The following PPARD variants were observed in gnomAD, a reference collection of about 807,000 sequenced individuals.
PPARD encodes peroxisome proliferator-activated receptor delta.
A neutral mutation model predicts 39.5 loss-of-function variants in PPARD; 6 were observed. The observed-to-expected ratio is 0.15, with a 90% confidence interval of 0.08 to 0.30. The LOEUF (loss-of-function observed/expected upper bound fraction) is 0.30. PPARD is among the 10% of genes least tolerant of loss of function. The probability of loss-of-function intolerance (pLI) is 1.00; values close to 1 mark genes in which losing one functional copy is unlikely to be tolerated. For missense variants in PPARD, 397 were observed against 596.8 expected (o/e 0.67, Z 3.49); for synonymous variants, 210 against 231.3 (o/e 0.91, Z 0.83).
intron 1 of PPARD, among the ~76,000 whole-genome samples, chr6:35,345,149 C>G (rs938803698): frequency 3.3e-5 from 5 of 152,192 alleles, no homozygotes; most frequent in Non-Finnish European, 7.3e-5. Context: ...TGTGGAGCAG[C>G]TTGGGCACCA....
intron 2 of PPARD, chr6:35,397,610 C>T (rs1238916557): frequency 8.4e-6 from 8 of 948,568 alleles, no homozygotes; most frequent in African/African-American, 1.8e-5. Flanking sequence ...GGTGAACAGA[C>T]GTCTTTTTGC....
chr6:35,397,746 A>G lies in PPARD; in HGVS notation c.-101-13241A>G, dbSNP rs114269512. Among the ~76,000 whole-genome samples, 1,134 of 152,324 alleles carry G rather than the reference A, an allele frequency of 7.4e-3. 12 individuals are homozygous for G. Among genetic ancestry groups the G allele is most frequent in the African/African-American group, 0.026 (1,084 of 41,568 alleles). ...GCACTAAACAAATAAGGAAATATAT[A>G]TACACTCTGCCAGATAGCCATAAGA... is the stretch of plus-strand genomic sequence containing the variant. On this transcript the variant is annotated intron_variant, in intron 2 of 7. Transcript: ENST00000360694.
intron 2 of PPARD, among the ~76,000 whole-genome samples, chr6:35,347,418 G>A (rs1445503574): frequency 6.6e-6 from 1 of 152,120 alleles, no homozygotes; most frequent in Admixed American, 6.5e-5. Flanking sequence ...AGGGCAGGGA[G>A]TTGTTTTGCT....
chr6:35,404,971 G>A (rs1055290029), intron 2 of PPARD, among the ~76,000 whole-genome samples: 1 of 151,288 alleles, frequency 6.6e-6, no homozygotes, highest in Non-Finnish European at 1.5e-5. Flanking sequence ...GTGTGTGTGT[G>A]TGTGTGTGTG....
chr6:35,356,639 T>C (rs541624037), intron 2 of PPARD, among the ~76,000 whole-genome samples: 9 of 152,322 alleles, frequency 5.9e-5, no homozygotes, highest in African/African-American at 1.9e-4. Flanking sequence ...TGTAGGATGT[T>C]GAGCAGCATC....
intron 2 of PPARD, among the ~76,000 whole-genome samples, chr6:35,408,943 C>G (rs1581647203): frequency 6.6e-6 from 1 of 151,798 alleles, no homozygotes; most frequent in Admixed American, 6.6e-5. Context: ...GCCACTGCCC[C>G]CTTTCTGCTT....
chr6:35,394,826 A>G (rs1168016634), intron 2 of PPARD, among the ~76,000 whole-genome samples: 2 of 151,642 alleles, frequency 1.3e-5, no homozygotes, highest in Non-Finnish European at 2.9e-5. Flanking sequence ...AAAAGTAGAA[A>G]TGACCCCTAA....
intron 2 of PPARD, among the ~76,000 whole-genome samples, chr6:35,373,823 ACACCT>A (rs1228016390): frequency 1.3e-5 from 2 of 151,966 alleles, no homozygotes; most frequent in Non-Finnish European, 2.9e-5. Context: ...ATGTGCCACC[ACACCT>A]GGCTAATTTT....
intron 2 of PPARD, among the ~76,000 whole-genome samples, chr6:35,382,727 G>A (rs1314550682): frequency 1.3e-5 from 2 of 152,142 alleles, no homozygotes; most frequent in Non-Finnish European, 2.9e-5. Flanking sequence ...TTAAAAGATC[G>A]TTTGTTCTGG....
chr6:35,409,157 C>A (rs1052965612), intron 2 of PPARD, among the ~76,000 whole-genome samples: 4 of 152,000 alleles, frequency 2.6e-5, no homozygotes, highest in African/African-American at 9.7e-5. Flanking sequence ...ATGTTGATCA[C>A]TCCCTCTCAT....
chr6:35,389,902 G>A (rs1387634438), intron 2 of PPARD, among the ~76,000 whole-genome samples: 1 of 152,328 alleles, frequency 6.6e-6, no homozygotes, highest in Non-Finnish European at 1.5e-5. Flanking sequence ...AAGGGCCCTG[G>A]TGACTTTCTT....
In PPARD at chr6:35,425,792, TG is replaced by T; in HGVS notation, c.1079-39del. On this transcript the variant is annotated intron_variant, in intron 7 of 7. Coordinates refer to ENST00000360694, the MANE Select transcript of PPARD (RefSeq NM_006238.5). The surrounding 1 kb of genome is among the most constrained non-coding windows in gnomAD (Gnocchi z 4.5). ...TGGGGTGGAAGTAGGGGAGCTCCACTGCCTTTCTGAGCTCCCTGGCGTGCCC... is the reference window on the plus strand; with the variant it reads ...TGGGGTGGAAGTAGGGGAGCTCCACTCCTTTCTGAGCTCCCTGGCGTGCCC... 2 of 1,605,846 alleles carry T rather than the reference TG, an allele frequency of 1.2e-6. No individual in the cohort carries two copies. Among genetic ancestry groups the T allele is most frequent in the South Asian group, 2.2e-5 (2 of 90,532 alleles).
At chr6:35,360,901 C>T (rs1167008848) in intron 2 of PPARD, among the ~76,000 whole-genome samples, 5 of 151,976 alleles carry the variant, frequency 3.3e-5, no homozygotes, top group African/African-American at 7.3e-5. Flanking sequence ...TGGCATCTCA[C>T]TGGTGGCCTT....
In PPARD at chr6:35,375,684, A is replaced by T. The variant is rs144309881; in HGVS notation, c.-102+28534A>T. Among the ~76,000 whole-genome samples the T allele has an allele frequency of 3.0e-3, 463 of 152,106 alleles. 5 individuals are homozygous for T. The highest frequency in any genetic ancestry group is 0.011 in the African/African-American group (442 of 41,480). On this transcript the variant is annotated intron_variant, in intron 2 of 7. Transcript: ENST00000360694. ...CCCACCTCAGCCTCCTAAGTAGCTG[A>T]GATTATAGGTGCACACCACCATGCT... is the stretch of plus-strand genomic sequence containing the variant.
intron 2 of PPARD, among the ~76,000 whole-genome samples, chr6:35,390,126 G>C (rs1222374764): frequency 1.3e-5 from 2 of 152,168 alleles, no homozygotes; most frequent in African/African-American, 4.8e-5. Context: ...ACTCACCTTG[G>C]CCTTCCCTGG....
At chr6:35,355,408 C>T (rs1017966362) in intron 2 of PPARD, among the ~76,000 whole-genome samples, 2 of 151,606 alleles carry the variant, frequency 1.3e-5, no homozygotes, top group African/African-American at 4.8e-5. Context: ...AAAAATTATC[C>T]AGGCGTGGTG....
chr6:35,424,064 C>T lies in PPARD; in HGVS notation c.543C>T (p.His181=), dbSNP rs764870551. The change falls in exon 6 of 8, where the codon CAC becomes CAT. Residue 181 remains histidine (H), a synonymous_variant. Transcript: ENST00000360694. The surrounding 1 kb of genome is among the most constrained non-coding windows in gnomAD (Gnocchi z 7.1). ...QVADLKAFSK[H]IYNAYLKNFN... ...CCGACCTGAAGGCCTTCTCCAAGCA[C>T]ATCTACAATGCCTACCTGAAAAACT... is the stretch of plus-strand genomic sequence containing the variant. 4 of 1,614,068 alleles carry T rather than the reference C, an allele frequency of 2.5e-6. No homozygotes were observed. The highest frequency in any genetic ancestry group is 1.7e-5 in the Admixed American group (1 of 60,016).
chr6:35,370,272 G>A (rs148539783), intron 2 of PPARD, among the ~76,000 whole-genome samples: 2 of 152,322 alleles, frequency 1.3e-5, no homozygotes, highest in African/African-American at 4.8e-5. Context: ...TTGTGGCTCC[G>A]TGGTATTGTA....
chr6:35,409,006 C>T (rs1383205178), intron 2 of PPARD, among the ~76,000 whole-genome samples: 1 of 152,154 alleles, frequency 6.6e-6, no homozygotes, highest in African/African-American at 2.4e-5. Flanking sequence ...CTGTGGTCTG[C>T]TCCTGTCTGT....
Sources: gnomAD v4.1 joint callset for allele counts (sites outside exome capture counted in the v4.1 genomes callset) on GRCh38, gnomAD v4.1.1 for gene constraint, Gnocchi (gnomAD v3.1) non-coding constraint, MANE v1.5 for transcripts, NCBI Gene and HGNC (gene_info 2026-07-23, HGNC 2026-07-21) for gene names.